BLTP3B: variants seen among roughly 807,000 people sequenced by gnomAD.
BLTP3B encodes UHRF1 (ICBP90) binding protein 1-like.
At chr12:100,062,459 T>C in the BLTP3B span, among the ~76,000 whole-genome samples, 1 of 152,226 alleles carries the variant, frequency 6.6e-6, no homozygotes, top group Non-Finnish European at 1.5e-5. Flanking sequence ...TACTATATTC[T>C]CTACTTTTGT....
the BLTP3B span, among the ~76,000 whole-genome samples, chr12:100,112,616 T>C: frequency 1.3e-5 from 2 of 152,112 alleles, no homozygotes; most frequent in Admixed American, 1.3e-4. Context: ...ACACCATTAT[T>C]AGGGTCTAAA....
the BLTP3B span, among the ~76,000 whole-genome samples, chr12:100,131,291 A>G: frequency 6.6e-6 from 1 of 151,368 alleles, no homozygotes; most frequent in Admixed American, 6.6e-5. Context: ...AGCCTGGGTG[A>G]CAGAGCAAGA....
the BLTP3B span, chr12:100,060,094 C>T: frequency 7.2e-7 from 1 of 1,380,962 alleles, no homozygotes. Context: ...GGTTCTAAAT[C>T]TTCCCTGAGA....
chr12:100,108,705 C>A, the BLTP3B span, among the ~76,000 whole-genome samples: 2 of 152,054 alleles, frequency 1.3e-5, no homozygotes, highest in African/African-American at 2.4e-5. Flanking sequence ...TACATATACA[C>A]GATGGAGTAT....
the BLTP3B span, among the ~76,000 whole-genome samples, chr12:100,107,994 G>A: frequency 1.1e-4 from 17 of 152,088 alleles, no homozygotes; most frequent in Non-Finnish European, 1.9e-4. Flanking sequence ...CGCCTACCTC[G>A]GCCTTCCAAA....
chr12:100,123,530 G>A, the BLTP3B span, among the ~76,000 whole-genome samples: 12 of 152,060 alleles, frequency 7.9e-5, no homozygotes. Context: ...ATCTGGAGAT[G>A]GTATCAGATC....
chr12:100,141,562 CAA>C, the BLTP3B span, among the ~76,000 whole-genome samples: 3 of 151,866 alleles, frequency 2.0e-5, no homozygotes, highest in Admixed American at 6.6e-5. Context: ...ATTCTGTTCC[CAA>C]TATATAACCT....
the BLTP3B span, among the ~76,000 whole-genome samples, chr12:100,061,860 T>C: frequency 4.6e-5 from 7 of 152,194 alleles, no homozygotes; most frequent in African/African-American, 1.4e-4. Flanking sequence ...AACAATGCTA[T>C]ACTTATTGCT....
the BLTP3B span, chr12:100,083,229 T>G: frequency 5.2e-6 from 4 of 763,188 alleles, no homozygotes; most frequent in Non-Finnish European, 6.8e-6. Flanking sequence ...TATATGTGAA[T>G]ACTAACTTCT....
chr12:100,099,560 A>G, the BLTP3B span, among the ~76,000 whole-genome samples: 1 of 150,552 alleles, frequency 6.6e-6, no homozygotes, highest in Admixed American at 6.7e-5. Context: ...CAGCCTGGAC[A>G]ACACAGACAG....
the BLTP3B span, among the ~76,000 whole-genome samples, chr12:100,081,276 T>A: frequency 6.6e-6 from 1 of 152,184 alleles, no homozygotes; most frequent in Non-Finnish European, 1.5e-5. Flanking sequence ...TGGTTGTAAT[T>A]TGTATAATGT....
At chr12:100,073,160 G>C in the BLTP3B span, among the ~76,000 whole-genome samples, 2 of 152,082 alleles carry the variant, frequency 1.3e-5, no homozygotes, top group Non-Finnish European at 2.9e-5. Flanking sequence ...ATAGATCCAA[G>C]TCCTCAAATC....
At chr12:100,043,379 A>G in the BLTP3B span, among the ~76,000 whole-genome samples, 1 of 152,334 alleles carries the variant, frequency 6.6e-6, no homozygotes, top group Admixed American at 6.5e-5. Flanking sequence ...CAGCCTTGCC[A>G]AAGATCAATG....
chr12:100,130,299 A>C, the BLTP3B span, among the ~76,000 whole-genome samples: 1 of 151,954 alleles, frequency 6.6e-6, no homozygotes, highest in Non-Finnish European at 1.5e-5. Context: ...TGACATTCAG[A>C]CCACCTCTGT....
chr12:100,083,757 TA>T, the BLTP3B span, among the ~76,000 whole-genome samples: 16 of 148,876 alleles, frequency 1.1e-4, no homozygotes, highest in South Asian at 2.1e-4. Context: ...TGTGTTGACT[TA>T]AAAAAAAAAG....
the BLTP3B span, among the ~76,000 whole-genome samples, chr12:100,137,732 T>C: frequency 6.6e-6 from 1 of 152,180 alleles, no homozygotes; most frequent in African/African-American, 2.4e-5. Flanking sequence ...AGCATATCCC[T>C]CTTACCTTTA....
the BLTP3B span, among the ~76,000 whole-genome samples, chr12:100,118,554 A>C: frequency 1.3e-5 from 2 of 152,232 alleles, no homozygotes; most frequent in Non-Finnish European, 2.9e-5. Flanking sequence ...GGGTAAAAGA[A>C]ATACTAAGGA....
the BLTP3B span, among the ~76,000 whole-genome samples, chr12:100,138,063 T>C: frequency 6.6e-6 from 1 of 152,218 alleles, no homozygotes; most frequent in Admixed American, 6.5e-5. Flanking sequence ...GGAGTAATTT[T>C]GCCTCCTATG....
At chr12:100,058,885 GGGAAAATCT>G in the BLTP3B span, 2 of 1,613,798 alleles carry the variant, frequency 1.2e-6, no homozygotes, top group Non-Finnish European at 1.7e-6. Context: ...GACGAGGAAG[GGGAAAATCT>G]GAAAAATGTA....
Sources: allele counts gnomAD v4.1 joint callset (sites outside exome capture counted in the v4.1 genomes callset), GRCh38; gene constraint gnomAD v4.1.1; transcripts MANE v1.5; gene names NCBI Gene and HGNC (gene_info 2026-07-23, HGNC 2026-07-21).